The following NFATC3 variants were observed in gnomAD, a reference collection of about 807,000 sequenced individuals.
NFATC3 encodes the protein nuclear factor of activated T-cells, cytoplasmic 3.
In NFATC3, 46 loss-of-function variants were observed where a neutral mutation model predicts 98.6. The observed-to-expected ratio is 0.47, with a 90% CI of 0.37 to 0.60. The LOEUF is 0.60. NFATC3 is among the 20% of genes least tolerant of loss of function. The probability of loss-of-function intolerance (pLI) is 0.00; values close to 1 mark genes in which losing one functional copy is unlikely to be tolerated. For missense variants in NFATC3, 1,256 were observed against 1,295.5 expected (o/e 0.97, Z 0.47); for synonymous variants, 512 against 472.2 (o/e 1.08, Z -1.09).
At chr16:68,206,406 G>A (rs1055619413) in intron 9 of NFATC3, among the ~76,000 whole-genome samples, 1 of 151,664 alleles carries the variant, frequency 6.6e-6, no homozygotes. Flanking sequence ...TTTCCTTCCC[G>A]TCCTCCCAGC....
At chr16:68,178,991 A>C (rs563086980) in intron 6 of NFATC3, among the ~76,000 whole-genome samples, 1 of 151,980 alleles carries the variant, frequency 6.6e-6, no homozygotes, top group African/African-American at 2.4e-5. Context: ...AGTCTTTCCA[A>C]CCCTCTTTCT....
chr16:68,085,777 G>A lies in NFATC3; in HGVS notation c.96G>A (p.Arg32=). The A allele has an allele frequency of 6.7e-7, 1 of 1,486,810 alleles. No homozygotes were observed. Among genetic ancestry groups the A allele is most frequent in the Non-Finnish European group, 8.9e-7 (1 of 1,124,960 alleles). The allele number at this position is 1,486,810 out of a possible 1,614,324, so 92.1% of individuals were successfully genotyped here. A position where few individuals can be genotyped will look rare whatever the true frequency, so the allele number is the denominator to read the frequency against. The change falls in exon 1 of 10, where the codon CGG becomes CGA. Residue 32 remains arginine (R), a synonymous_variant. Transcript: ENST00000346183. ...CGGCGCCGCCGCCCCCGGGCTCGCG[G>A]CCTGCAGGTGGGTGCCGGGCCAGGC... The part of the protein sequence containing the change: ...GAPAPPPPGS[R]PADLEPDDCA...
Position 68,183,343 on chromosome 16 carries a change from C to T in NFATC3, c.2075C>T (p.Ser692Phe), listed in dbSNP as rs1315740520. 3.1e-6 allele frequency: 5 copies of T among 1,613,482 alleles called. No individual in the cohort carries two copies. Among genetic ancestry groups the T allele is most frequent in the Non-Finnish European group, 4.2e-6 (5 of 1,179,976 alleles). ...LCNGKRKKSQ[S>F]QRFTYTPVLM... ...AATGGCAAGAGGAAAAAAAGCCAGT[C>T]TCAACGTTTTACTTATACACCAGGT... The change falls in exon 8 of 10, where the codon TCT becomes TTT. Residue 692 changes from serine (S) to phenylalanine (F), a missense_variant. Physicochemically the swap from Ser to Phe is radical, Grantham distance 155 (BLOSUM62 -2). Transcript: ENST00000346183.
chr16:68,157,319 C>T (rs971253194), intron 3 of NFATC3, among the ~76,000 whole-genome samples: 1 of 152,114 alleles, frequency 6.6e-6, no homozygotes, highest in African/African-American at 2.4e-5. Context: ...GCCTGGAAAA[C>T]TTGTCTCCCT....
At chr16:68,204,821 A>G (rs1229707323) in intron 9 of NFATC3, among the ~76,000 whole-genome samples, 1 of 152,226 alleles carries the variant, frequency 6.6e-6, no homozygotes, top group Non-Finnish European at 1.5e-5. Context: ...AGATTTTTTA[A>G]TGAGAGATAA....
chr16:68,214,581 TAAAAGACTCTGC>T, intron 9 of NFATC3: 4 of 632,848 alleles, frequency 6.3e-6, no homozygotes, highest in Admixed American at 2.7e-5. Context: ...ACACTTTGAC[TAAAAGACTCTGC>T]TTTTTAAACT....
chr16:68,143,597 C>T (rs913067070), intron 3 of NFATC3, among the ~76,000 whole-genome samples: 1 of 152,140 alleles, frequency 6.6e-6, no homozygotes, highest in Admixed American at 6.5e-5. Flanking sequence ...ACCTGTGACC[C>T]CAGCATTCTG....
intron 9 of NFATC3, among the ~76,000 whole-genome samples, chr16:68,206,987 T>C (rs1236174712): frequency 1.4e-5 from 2 of 144,460 alleles, no homozygotes; most frequent in African/African-American, 5.2e-5. Context: ...CAAAAAAAGT[T>C]GATGAACGCA....
chr16:68,226,250 G>GC (rs1184028545), intron 9 of NFATC3, 100 bp from the exon 10 acceptor site: 24 of 1,391,948 alleles, frequency 1.7e-5, no homozygotes, highest in Non-Finnish European at 2.0e-5. Context: ...TTTACAGAAA[G>GC]CCATGGGAAG....
At chr16:68,124,264 A>G (rs1414832497) in intron 2 of NFATC3, among the ~76,000 whole-genome samples, 2 of 151,588 alleles carry the variant, frequency 1.3e-5, no homozygotes, top group African/African-American at 4.9e-5. Context: ...ACCACACTCA[A>G]TTATTTAAAA....
intron 9 of NFATC3, among the ~76,000 whole-genome samples, chr16:68,211,079 T>C (rs1004879016): frequency 1.3e-5 from 2 of 152,160 alleles, no homozygotes; most frequent in South Asian, 2.1e-4. Context: ...TCTTTTCTTA[T>C]AGTATCTTTT....
intron 3 of NFATC3, among the ~76,000 whole-genome samples, chr16:68,129,338 C>T (rs192918919): frequency 1.3e-5 from 2 of 152,232 alleles, no homozygotes; most frequent in East Asian, 3.9e-4. Context: ...TTTTTATTTT[C>T]TTCTTGTAAA....
At chr16:68,206,217 T>C (rs868605241) in intron 9 of NFATC3, among the ~76,000 whole-genome samples, 9 of 152,240 alleles carry the variant, frequency 5.9e-5, no homozygotes, top group Non-Finnish European at 1.0e-4. Flanking sequence ...TCACACAATG[T>C]TCTCCCATGA....
In NFATC3 at chr16:68,219,660, G is replaced by A. The variant is rs1035948190; in HGVS notation, c.3107-6690G>A. On this transcript the variant is annotated intron_variant, in intron 9 of 9. Coordinates refer to ENST00000346183, the MANE Select transcript of NFATC3 (RefSeq NM_173165.3). The stretch of plus-strand genomic sequence containing the variant: ...CCTTTAATCTTCAGGTTCAGGAAAA[G>A]AATAACATGACCAAACTTTGGTGAA... 2.6e-5 allele frequency among the ~76,000 whole-genome samples: 4 copies of A among 152,254 alleles called. No individual in the cohort carries two copies. The South Asian group carries it at 8.3e-4, about 32-fold the overall frequency.
chr16:68,170,494 CT>C (rs1364251442), intron 5 of NFATC3, among the ~76,000 whole-genome samples: 2,170 of 130,990 alleles, frequency 0.017, 10 homozygotes, highest in Middle Eastern at 0.091. Context: ...TCTGGCTGTT[CT>C]TTTTTTTTTT....
intron 9 of NFATC3, among the ~76,000 whole-genome samples, chr16:68,208,070 G>A (rs886149931): frequency 1.3e-5 from 2 of 151,756 alleles, no homozygotes; most frequent in African/African-American, 4.8e-5. Flanking sequence ...GAATCTGGCT[G>A]TGTCACCCAA....
rs548423500 is a variant in NFATC3 at position 68,105,965 on chromosome 16, G to A, written c.104-16022G>A. ...GCAATCTTGGCTCACTGCAGCCTCCGCTTCCTGGGTTCAGGCGATTCTCCT... is the reference window on the plus strand; with the variant it reads ...GCAATCTTGGCTCACTGCAGCCTCCACTTCCTGGGTTCAGGCGATTCTCCT... On this transcript the variant is annotated intron_variant, in intron 1 of 9. Coordinates refer to ENST00000346183, the MANE Select transcript of NFATC3 (RefSeq NM_173165.3). Among the ~76,000 whole-genome samples the A allele has an allele frequency of 3.3e-5, 5 of 151,656 alleles. No homozygotes were observed. In the South Asian group the frequency reaches 6.3e-4, roughly 19 times the overall value.
intron 9 of NFATC3, among the ~76,000 whole-genome samples, chr16:68,211,510 T>TTTGTTG (rs200230482): frequency 1.6e-4 from 23 of 144,960 alleles, no homozygotes; most frequent in Non-Finnish European, 2.4e-4. Context: ...GTAAATGTTT[T>TTTGTTG]TTGTTGTTGT....
At chr16:68,163,729 G>T (rs1336254247) in intron 4 of NFATC3, among the ~76,000 whole-genome samples, 1 of 151,588 alleles carries the variant, frequency 6.6e-6, no homozygotes, top group Non-Finnish European at 1.5e-5. Flanking sequence ...AGACGGGGTC[G>T]CGGCTGGGCA....
Sources: allele counts gnomAD v4.1 joint callset (sites outside exome capture counted in the v4.1 genomes callset), GRCh38; gene constraint gnomAD v4.1.1; transcripts MANE v1.5; gene names NCBI Gene and HGNC (gene_info 2026-07-23, HGNC 2026-07-21).